Variants in KCNQ1 observed in about 807,000 individuals in gnomAD.
The protein encoded by KCNQ1 is potassium voltage-gated channel subfamily KQT member 1.
In KCNQ1, 49 loss-of-function variants were observed where a neutral mutation model predicts 72.4. The ratio of observed to expected loss-of-function variants is 0.68; its 90% confidence interval spans 0.54 to 0.86. The LOEUF (loss-of-function observed/expected upper bound fraction) is 0.86, where lower values mean the gene tolerates loss of function less well. Ranked by LOEUF, KCNQ1 falls within the 40% of genes least tolerant of loss-of-function variation. The probability of loss-of-function intolerance (pLI) is 0.00; values close to 1 mark genes in which losing one functional copy is unlikely to be tolerated. For synonymous variants in KCNQ1, 450 were observed against 412.6 expected, an observed-to-expected ratio of 1.09 and a Z score of -1.10; for missense variants, 790 against 945.1, an observed-to-expected ratio of 0.84 and a Z score of 2.15.
At position 2,463,076 on chromosome 11, in the gene KCNQ1, C is replaced by T. The variant is rs1846302295; in HGVS notation, c.386+17592C>T. ...TCCTCAGGGGTCCTTCAGGGATATACCTGCTGTCAGGGTGTGGGGAGTGGG... is the reference window on the plus strand; with the variant it reads ...TCCTCAGGGGTCCTTCAGGGATATATCTGCTGTCAGGGTGTGGGGAGTGGG... On this transcript the variant is annotated intron_variant, in intron 1 of 15. Coordinates refer to ENST00000155840, the MANE Select transcript of KCNQ1 (RefSeq NM_000218.3). This position sits in a 1 kb window ranked among gnomAD's most constrained non-coding sequence, Gnocchi z 7.0. Among the ~76,000 whole-genome samples the T allele has an allele frequency of 6.6e-6, 1 of 151,958 alleles. No individual in the cohort carries two copies. Among genetic ancestry groups the T allele is most frequent in the Non-Finnish European group, 1.5e-5 (1 of 67,960 alleles).
chr11:2,558,501 G>T (rs1012381170), intron 2 of KCNQ1, among the ~76,000 whole-genome samples: 10 of 152,228 alleles, frequency 6.6e-5, no homozygotes, highest in Non-Finnish European at 1.5e-4. Flanking sequence ...AGATGGGCCA[G>T]CCTGTGGGCA....
chr11:2,797,775 G>C (rs1035861779), intron 15 of KCNQ1, among the ~76,000 whole-genome samples: 4 of 152,070 alleles, frequency 2.6e-5, no homozygotes, highest in Non-Finnish European at 5.9e-5. Context: ...CCTCCCCTGG[G>C]AGCCTGCCTC....
chr11:2,501,784 C>G (rs995270472), intron 1 of KCNQ1, among the ~76,000 whole-genome samples: 9 of 135,406 alleles, frequency 6.6e-5, no homozygotes, highest in Admixed American at 3.7e-4. Context: ...AATATTGATG[C>G]AAAAATCCTC....
rs1292289481 is a variant in KCNQ1, at chr11:2,479,555, C to T, written c.386+34071C>T. On this transcript the variant is annotated intron_variant, in intron 1 of 15. Coordinates refer to ENST00000155840, the MANE Select transcript of KCNQ1 (RefSeq NM_000218.3). The surrounding 1 kb of genome is among the most constrained non-coding windows in gnomAD (Gnocchi z 4.6). Reference sequence around the variant, plus strand: ...TTAGCTATGGCTAGAGCGGCTGGGACACAGGGCACCAAGTCCCTAGGCTGC... The same window carrying T: ...TTAGCTATGGCTAGAGCGGCTGGGATACAGGGCACCAAGTCCCTAGGCTGC... Among the ~76,000 whole-genome samples, 1 of 152,224 alleles carries T rather than the reference C, an allele frequency of 6.6e-6. No homozygotes were observed. The highest frequency in any genetic ancestry group is 6.5e-5 in the Admixed American group (1 of 15,280).
chr11:2,709,220 G>GCCCCCCCCCCCCCCC (rs34617956), intron 11 of KCNQ1, among the ~76,000 whole-genome samples: 132 of 130,040 alleles, frequency 1.0e-3, no homozygotes, highest in South Asian at 2.0e-3. Flanking sequence ...CGGCTTCCAG[G>GCCCCCCCCCCCCCCC]CCCCCCCCAC....
At chr11:2,788,549 C>A (rs1174695309) in intron 15 of KCNQ1, among the ~76,000 whole-genome samples, 2 of 150,874 alleles carry the variant, frequency 1.3e-5, no homozygotes, top group African/African-American at 2.4e-5. Flanking sequence ...CTCTGCACCA[C>A]CCCCCGCCCC....
chr11:2,451,480 A>G lies in KCNQ1; in HGVS notation c.386+5996A>G, dbSNP rs1405349156. Among the ~76,000 whole-genome samples, 5 of 152,176 alleles carry G rather than the reference A, an allele frequency of 3.3e-5. No individual in the cohort carries two copies. Among genetic ancestry groups the G allele is most frequent in the Admixed American group, 1.3e-4 (2 of 15,280 alleles). ...TCTTAGAGGATTGAGGCTCGGGGCC[A>G]TGGGATCGGCACTGTCATTGCCCTT... On this transcript the variant is annotated intron_variant, in intron 1 of 15. Coordinates refer to ENST00000155840, the MANE Select transcript of KCNQ1 (RefSeq NM_000218.3). The surrounding 1 kb of genome is among the most constrained non-coding windows in gnomAD (Gnocchi z 6.4).
rs1037119301 is a variant in KCNQ1 at position 2,486,510 on chromosome 11, T to C, written c.386+41026T>C. 4.6e-5 allele frequency among the ~76,000 whole-genome samples: 7 copies of C among 152,222 alleles called. No homozygotes were observed. Among genetic ancestry groups the C allele is most frequent in the Non-Finnish European group, 8.8e-5 (6 of 68,046 alleles). ...TTTTTAATGTTCACGAAGTCCAAGT[T>C]GTCTACTTTTTGTTTTGTTGCCTGT... On this transcript the variant is annotated intron_variant, in intron 1 of 15. Coordinates refer to ENST00000155840, the MANE Select transcript of KCNQ1 (RefSeq NM_000218.3). This position sits in a 1 kb window ranked among gnomAD's most constrained non-coding sequence, Gnocchi z 5.0.
At chr11:2,843,613 G>A (rs1170596668) in intron 15 of KCNQ1, among the ~76,000 whole-genome samples, 2 of 152,272 alleles carry the variant, frequency 1.3e-5, no homozygotes, top group Non-Finnish European at 2.9e-5. Flanking sequence ...CATCCACGAG[G>A]CCAGGGCCTT....
In KCNQ1 at chr11:2,538,558, T is replaced by C. The variant is rs1847772838; in HGVS notation, c.477+10540T>C. ...GAGGAGGACAGCTGACATTCTTTCA[T>C]GCGAAATCTGCTTGCGGGAGAGTCG... On this transcript the variant is annotated intron_variant, in intron 2 of 15. Transcript: ENST00000155840. The surrounding 1 kb of genome is among the most constrained non-coding windows in gnomAD (Gnocchi z 6.7). 6.6e-6 allele frequency among the ~76,000 whole-genome samples: 1 copy of C among 152,148 alleles called. No homozygotes were observed. Among genetic ancestry groups the C allele is most frequent in the Non-Finnish European group, 1.5e-5 (1 of 68,028 alleles).
intron 11 of KCNQ1, chr11:2,685,354 G>A (rs1850467996): frequency 1.0e-5 from 4 of 398,674 alleles, no homozygotes; most frequent in Non-Finnish European, 1.8e-5. Context: ...GGGTACATGG[G>A]CAGGTACCAT....
At chr11:2,582,717 G>GC (rs1404029429) in intron 6 of KCNQ1, among the ~76,000 whole-genome samples, 3 of 152,178 alleles carry the variant, frequency 2.0e-5, no homozygotes, top group African/African-American at 7.2e-5. Context: ...TGGGCTCAGC[G>GC]CCAGCTCCTG....
chr11:2,487,572 A>G (rs1161841925), intron 1 of KCNQ1, among the ~76,000 whole-genome samples: 1 of 152,174 alleles, frequency 6.6e-6, no homozygotes, highest in Non-Finnish European at 1.5e-5. Context: ...GTTTTGCTGC[A>G]GAAGTCTTTT....
chr11:2,656,013 C>T, intron 10 of KCNQ1: 1 of 398,624 alleles, frequency 2.5e-6, no homozygotes, highest in East Asian at 3.6e-5. Flanking sequence ...CCTAAAACAC[C>T]AGGACAGAAC....
intron 10 of KCNQ1, chr11:2,646,428 T>A (rs1849666954): frequency 7.5e-6 from 3 of 398,540 alleles, no homozygotes; most frequent in African/African-American, 2.1e-5. Context: ...CCTCCTTGGT[T>A]AAGCTTTGCT....
At chr11:2,776,334 C>G (rs1442592181) in intron 13 of KCNQ1, among the ~76,000 whole-genome samples, 1 of 152,162 alleles carries the variant, frequency 6.6e-6, no homozygotes, top group South Asian at 2.1e-4. Flanking sequence ...GAGGCAAACA[C>G]CCGCCTCCGT....
At chr11:2,633,576 C>A in intron 10 of KCNQ1, 2 of 398,476 alleles carry the variant, frequency 5.0e-6, no homozygotes. Flanking sequence ...TTTCATTCTT[C>A]TGCATATGAT....
rs1048358440 is a variant in KCNQ1 at position 2,486,586 on chromosome 11, G to A, written c.386+41102G>A. 5.3e-5 allele frequency among the ~76,000 whole-genome samples: 8 copies of A among 152,308 alleles called. No individual in the cohort carries two copies. Among genetic ancestry groups the A allele is most frequent in the Admixed American group, 3.3e-4 (5 of 15,296 alleles). On this transcript the variant is annotated intron_variant, in intron 1 of 15. Coordinates refer to ENST00000155840, the MANE Select transcript of KCNQ1 (RefSeq NM_000218.3). This position sits in a 1 kb window ranked among gnomAD's most constrained non-coding sequence, Gnocchi z 5.0. ...TTAGCATTGCTATAAAGGAATACCT[G>A]AGGCTGGTAATTTATAAAGAAAAGA...
rs1848247252 is a variant in KCNQ1 at position 2,566,355 on chromosome 11, C to T, written c.478-4273C>T. Among the ~76,000 whole-genome samples the T allele has an allele frequency of 1.3e-5, 2 of 152,218 alleles. No individual in the cohort carries two copies. The highest frequency in any genetic ancestry group is 4.8e-5 in the African/African-American group (2 of 41,452). ...TGGCCTCACCTGCCAGTGTCCTCTCCCACACCCGAGGACACCTGTACCTTG... is the reference window on the plus strand; with the variant it reads ...TGGCCTCACCTGCCAGTGTCCTCTCTCACACCCGAGGACACCTGTACCTTG... On this transcript the variant is annotated intron_variant, in intron 2 of 15. Transcript: ENST00000155840. This position sits in a 1 kb window ranked among gnomAD's most constrained non-coding sequence, Gnocchi z 6.7.
Sources: allele counts gnomAD v4.1 joint callset (sites outside exome capture counted in the v4.1 genomes callset), GRCh38; gene constraint gnomAD v4.1.1; non-coding constraint Gnocchi (gnomAD v3.1); transcripts MANE v1.5; gene names NCBI Gene and HGNC (gene_info 2026-07-23, HGNC 2026-07-21).